VAT1L: variants seen among roughly 807,000 people sequenced by gnomAD.
VAT1L encodes putative NADPH-dependent quinone oxidoreductase VAT1L.
A neutral mutation model predicts 44.1 loss-of-function variants in VAT1L; 34 were observed. The ratio of observed to expected loss-of-function variants is 0.77; its 90% CI spans 0.59 to 1.03. The LOEUF is 1.03. VAT1L is among the 50% of genes least tolerant of loss of function. The pLI is 0.00. For missense variants in VAT1L, 615 were observed against 538.8 expected (o/e 1.14, Z -1.40); for synonymous variants, 253 against 202.2 (o/e 1.25, Z -2.13).
intron 7 of VAT1L, among the ~76,000 whole-genome samples, chr16:77,885,299 A>C (rs1461444967): frequency 6.6e-6 from 1 of 152,198 alleles, no homozygotes; most frequent in Non-Finnish European, 1.5e-5. Context: ...TCTTTTTGTT[A>C]GTTGATCTTC....
chr16:77,947,580 G>C (rs915808290), intron 7 of VAT1L, among the ~76,000 whole-genome samples: 5 of 152,114 alleles, frequency 3.3e-5, no homozygotes, highest in South Asian at 2.1e-4. Context: ...ACCATGCCCA[G>C]CTCCCTCCTG....
intron 7 of VAT1L, among the ~76,000 whole-genome samples, chr16:77,923,284 A>G (rs1019455311): frequency 6.6e-6 from 1 of 152,220 alleles, no homozygotes; most frequent in African/African-American, 2.4e-5. Flanking sequence ...CCCCGTATCT[A>G]CCAAAAATAC....
chr16:77,793,632 C>T (rs750932603), intron 1 of VAT1L, among the ~76,000 whole-genome samples: 5 of 152,086 alleles, frequency 3.3e-5, no homozygotes, highest in Non-Finnish European at 4.4e-5. Context: ...AATTGGCTTG[C>T]AGTAGAAGGG....
At chr16:77,972,786 GATAATA>G (rs941101095) in intron 8 of VAT1L, among the ~76,000 whole-genome samples, 2 of 149,344 alleles carry the variant, frequency 1.3e-5, no homozygotes, top group African/African-American at 4.9e-5. Context: ...TCTCAAAAAT[GATAATA>G]ATAATAATAT....
intron 3 of VAT1L, among the ~76,000 whole-genome samples, chr16:77,843,854 G>A (rs1301404231): frequency 1.3e-5 from 2 of 152,360 alleles, no homozygotes; most frequent in Non-Finnish European, 2.9e-5. Flanking sequence ...AGACCCAGAG[G>A]TCTGGGCTTG....
intron 1 of VAT1L, among the ~76,000 whole-genome samples, chr16:77,802,124 C>T (rs528086565): frequency 6.6e-6 from 1 of 152,336 alleles, no homozygotes; most frequent in East Asian, 1.9e-4. Context: ...CTTTGAGCCT[C>T]AGCATCTCTG....
intron 1 of VAT1L, among the ~76,000 whole-genome samples, chr16:77,802,622 ACACAC>A (rs1567468331): frequency 0.016 from 1,357 of 83,526 alleles, 9 homozygotes; most frequent in Middle Eastern, 0.037. Context: ...TCAAACACAC[ACACAC>A]ACACACACAC....
intron 7 of VAT1L, among the ~76,000 whole-genome samples, chr16:77,885,865 G>A (rs1454763908): frequency 6.6e-6 from 1 of 152,092 alleles, no homozygotes; most frequent in Non-Finnish European, 1.5e-5. Context: ...GCTCTTTGGG[G>A]GTCACTGTAT....
In VAT1L at chr16:77,853,801, G is replaced by A. The variant is rs78682718; in HGVS notation, c.580-8947G>A. Among the ~76,000 whole-genome samples the A allele has an allele frequency of 7.9e-3, 1,196 of 152,104 alleles. 10 individuals are homozygous for A. The highest frequency in any genetic ancestry group is 0.013 in the Non-Finnish European group (893 of 68,008). ...ATAAAAGAGAAAAAAATAAGACACTGTCCACCAAGTCTTCTCAAAGAATAT... is the reference window on the plus strand; with the variant it reads ...ATAAAAGAGAAAAAAATAAGACACTATCCACCAAGTCTTCTCAAAGAATAT... On this transcript the variant is annotated intron_variant, in intron 3 of 8. Transcript: ENST00000302536.
At chr16:77,828,389 C>T (rs886545019) in intron 3 of VAT1L, among the ~76,000 whole-genome samples, 2 of 151,952 alleles carry the variant, frequency 1.3e-5, no homozygotes, top group South Asian at 2.1e-4. Context: ...GGGGGCCGGG[C>T]GCGGTGGCTC....
chr16:77,860,124 T>C (rs1046912855), intron 3 of VAT1L, among the ~76,000 whole-genome samples: 1 of 152,166 alleles, frequency 6.6e-6, no homozygotes, highest in Non-Finnish European at 1.5e-5. Context: ...GGAATAGATC[T>C]TTCGCTCACA....
At chr16:77,962,816 C>T (rs749863649) in intron 7 of VAT1L, among the ~76,000 whole-genome samples, 8 of 150,474 alleles carry the variant, frequency 5.3e-5, no homozygotes, top group Non-Finnish European at 8.9e-5. Context: ...CATGGTGGCT[C>T]ATGCCTGCAG....
At chr16:77,907,704 C>G (rs534120506) in intron 7 of VAT1L, among the ~76,000 whole-genome samples, 1 of 151,952 alleles carries the variant, frequency 6.6e-6, no homozygotes, top group Non-Finnish European at 1.5e-5. Flanking sequence ...ATATCCCCAA[C>G]AGTTAATTTA....
At chr16:77,817,530 G>A (rs1567475708) in intron 2 of VAT1L, among the ~76,000 whole-genome samples, 1 of 152,132 alleles carries the variant, frequency 6.6e-6, no homozygotes, top group African/African-American at 2.4e-5. Context: ...TCAGGAATTG[G>A]GGAGGTAGCA....
chr16:77,958,768 G>C (rs376533175), intron 7 of VAT1L, among the ~76,000 whole-genome samples: 1 of 152,148 alleles, frequency 6.6e-6, no homozygotes, highest in Non-Finnish European at 1.5e-5. Flanking sequence ...AGGACAAAAG[G>C]AACAGTTGCT....
At chr16:77,849,932 T>C (rs935996426) in intron 3 of VAT1L, among the ~76,000 whole-genome samples, 3 of 152,202 alleles carry the variant, frequency 2.0e-5, no homozygotes, top group Admixed American at 6.5e-5. Flanking sequence ...TTTGAGTCAT[T>C]CATGTTCAGG....
At chr16:77,862,330 G>GC (rs918662803) in intron 3 of VAT1L, among the ~76,000 whole-genome samples, 13 of 152,020 alleles carry the variant, frequency 8.6e-5, no homozygotes, top group African/African-American at 2.9e-4. Flanking sequence ...CCTTAAAAAG[G>GC]CCCCCCGGGC....
chr16:77,848,957 A>G (rs1597065434), intron 3 of VAT1L, among the ~76,000 whole-genome samples: 1 of 152,168 alleles, frequency 6.6e-6, no homozygotes, highest in African/African-American at 2.4e-5. Context: ...ACCAAACACC[A>G]CATGTTCTCA....
chr16:77,823,162 G>C (rs372671994), intron 2 of VAT1L, among the ~76,000 whole-genome samples: 6 of 151,916 alleles, frequency 3.9e-5, no homozygotes, highest in African/African-American at 1.4e-4. Flanking sequence ...AAAATCCCCA[G>C]GGTTTTGGGA....
Sources: gnomAD v4.1 joint callset for allele counts (sites outside exome capture counted in the v4.1 genomes callset) on GRCh38, gnomAD v4.1.1 for gene constraint, MANE v1.5 for transcripts, NCBI Gene and HGNC (gene_info 2026-07-23, HGNC 2026-07-21) for gene names.